MEIS3: variants seen among roughly 807,000 people sequenced by gnomAD.
The protein encoded by MEIS3 is homeobox protein Meis3.
MEIS3 carries 38 observed loss-of-function variants against 51.4 expected under a neutral mutation model. That is an observed-to-expected ratio of 0.74 (90% CI 0.57 to 0.97). The LOEUF (loss-of-function observed/expected upper bound fraction) is 0.97. Ranked by LOEUF, MEIS3 falls within the 50% of genes least tolerant of loss-of-function variation. The probability of loss-of-function intolerance (pLI) is 0.00; values close to 1 mark genes in which losing one functional copy is unlikely to be tolerated. For synonymous variants in MEIS3, 198 were observed against 201.8 expected (o/e 0.98, Z 0.16); for missense variants, 456 against 502.6 (o/e 0.91, Z 0.89).
chr19:47,406,591 C>T, intron 11 of MEIS3, 65 bp from the exon 12 acceptor site: 1 of 1,462,012 alleles, frequency 6.8e-7, no homozygotes, highest in Non-Finnish European at 9.6e-7. Flanking sequence ...GCCTCTAAGT[C>T]TCCCTCACCC....
intron 6 of MEIS3, chr19:47,412,397 C>CT (rs1465162754): frequency 3.3e-5 from 5 of 152,004 alleles, no homozygotes; most frequent in East Asian, 1.9e-4. Context: ...TCCCACCCTT[C>CT]TTTTTTTTGA....
chr19:47,420,011 G>A (rs1568433292), upstream of MEIS3, among the ~76,000 whole-genome samples: 1 of 152,158 alleles, frequency 6.6e-6, no homozygotes, highest in Non-Finnish European at 1.5e-5. Context: ...GGATAACGGA[G>A]AAACAGTTAA....
intron 12 of MEIS3, among the ~76,000 whole-genome samples, chr19:47,404,769 C>T (rs964747742): frequency 6.6e-6 from 1 of 152,222 alleles, no homozygotes; most frequent in Non-Finnish European, 1.5e-5. Flanking sequence ...CTGTGAGCTC[C>T]TCCAGTTCCT....
rs763180158 is a variant in MEIS3, at chr19:47,417,438, C to A, written c.13-88G>T. 18 of 1,467,802 alleles carry A rather than the reference C, an allele frequency of 1.2e-5. No individual in the cohort carries two copies. In the South Asian group the frequency reaches 1.9e-4, roughly 15 times the overall value. 90.9% of individuals were successfully genotyped at this position (1,467,802 alleles called of 1,614,324 possible). A position where few individuals can be genotyped will look rare whatever the true frequency, so the allele number is the denominator to read the frequency against. On this transcript the variant is annotated intron_variant, in intron 1 of 12. Coordinates refer to ENST00000558555, the MANE Select transcript of MEIS3 (RefSeq NM_001301059.2). Reference sequence around the variant, plus strand: ...CTGAGGAGCTTCTCTATCCTGGAACCCAGGAGATGCCCTTCTGTGTCCCAG... The same window carrying A: ...CTGAGGAGCTTCTCTATCCTGGAACACAGGAGATGCCCTTCTGTGTCCCAG...
In MEIS3 at chr19:47,409,082, G is replaced by C. The variant is rs771559763; in HGVS notation, c.858+17C>G. ...TCTCTCCATTCCCACCCTGCACCTG[G>C]GCAGCAGGGCTCTCACCGAGAGGTG... is the stretch of plus-strand genomic sequence containing the variant. On this transcript the variant is annotated intron_variant, in intron 8 of 12. Coordinates refer to ENST00000558555, the MANE Select transcript of MEIS3 (RefSeq NM_001301059.2). The C allele has an allele frequency of 6.2e-7, 1 of 1,604,686 alleles. No individual in the cohort carries two copies. The highest frequency in any genetic ancestry group is 1.1e-5 in the South Asian group (1 of 90,730).
At chr19:47,414,071 A>G (rs529823825) in intron 6 of MEIS3, among the ~76,000 whole-genome samples, 1 of 151,984 alleles carries the variant, frequency 6.6e-6, no homozygotes, top group African/African-American at 2.4e-5. Context: ...TGAGCCTGTG[A>G]GTCTATTTCC....
chr19:47,419,217 C>G lies in MEIS3; in HGVS notation c.-136G>C, dbSNP rs1269747190. The G allele has an allele frequency of 1.1e-5, 6 of 527,588 alleles. No individual in the cohort carries two copies. Among genetic ancestry groups the G allele is most frequent in the South Asian group, 1.9e-4 (2 of 10,778 alleles). The allele number at this position is 527,588 out of a possible 1,614,324, so 32.7% of individuals were successfully genotyped here. On this transcript the variant is annotated 5_prime_UTR_variant, in exon 1 of 13. Coordinates refer to ENST00000558555, the MANE Select transcript of MEIS3 (RefSeq NM_001301059.2). ...GCAGGAGGCCAGGCGCGCGCCCCCC[C>G]ACCCCCGCCGCCGTCAGCGGCAGGC...
At chr19:47,410,452 C>CAA (rs562672336) in intron 6 of MEIS3, among the ~76,000 whole-genome samples, 1,480 of 61,238 alleles carry the variant, frequency 0.024, 35 homozygotes, top group African/African-American at 0.075. Context: ...GACTACGTCT[C>CAA]AAAAAAAAAA....
upstream of MEIS3, among the ~76,000 whole-genome samples, chr19:47,421,167 C>G (rs1004870711): frequency 6.6e-6 from 1 of 152,056 alleles, no homozygotes; most frequent in African/African-American, 2.4e-5. Context: ...GGCTGAGTGG[C>G]TCCCTGGGTG....
chr19:47,414,627 C>T (rs1971301890), intron 6 of MEIS3, 90 bp downstream of exon 6: 1 of 1,452,048 alleles, frequency 6.9e-7, no homozygotes, highest in Admixed American at 2.1e-5. Flanking sequence ...GTGGCTTCGT[C>T]TGAGGCTGTG....
At position 47,419,452 on chromosome 19, in the gene MEIS3, G is replaced by A. The variant is rs1264509923; in HGVS notation, c.-371C>T. 1 of 9,208 alleles carries A rather than the reference G, an allele frequency of 1.1e-4. No individual in the cohort carries two copies. Among genetic ancestry groups the A allele is most frequent in the Non-Finnish European group, 2.4e-4 (1 of 4,206 alleles). The allele number at this position is 9,208 out of a possible 1,614,324, so 0.6% of individuals were successfully genotyped here. On this transcript the variant is annotated 5_prime_UTR_variant, in exon 1 of 13. Coordinates refer to ENST00000558555, the MANE Select transcript of MEIS3 (RefSeq NM_001301059.2). ...CACACCGGGGACCGCAGGGGGCGGG[G>A]GGCGGCCCGGGGCGACGGAGGGTCC... is the stretch of plus-strand genomic sequence containing the variant.
Position 47,403,716 on chromosome 19 carries a change from C to T in MEIS3, c.*18-163G>A, listed in dbSNP as rs201238219. Among the ~76,000 whole-genome samples the T allele has an allele frequency of 1.3e-4, 20 of 151,996 alleles. No homozygotes were observed. In the East Asian group the frequency reaches 1.7e-3, roughly 13 times the overall value. On this transcript the variant is annotated intron_variant, in intron 12 of 12. Transcript: ENST00000558555. ...GTGGGAGGGTCACAGAGAGAAGAGACGCAGTGACGAGAAAGAGGGAGACAG... is the reference window on the plus strand; with the variant it reads ...GTGGGAGGGTCACAGAGAGAAGAGATGCAGTGACGAGAAAGAGGGAGACAG...
intron 7 of MEIS3, 44 bp from the exon 8 acceptor site, chr19:47,409,291 G>A (rs1971006582): frequency 6.3e-7 from 1 of 1,590,084 alleles, no homozygotes; most frequent in South Asian, 1.1e-5. Flanking sequence ...AGTGAAGAGT[G>A]GAGGACCAGA....
intron 10 of MEIS3, 25 bp downstream of exon 10, chr19:47,407,054 C>G: frequency 6.2e-7 from 1 of 1,603,334 alleles, no homozygotes; most frequent in South Asian, 1.1e-5. Context: ...ACCCCAGGCT[C>G]TCCGTCCCCG....
intron 4 of MEIS3, chr19:47,415,861 C>A (rs1599823204): frequency 6.6e-6 from 1 of 152,444 alleles, no homozygotes; most frequent in East Asian, 1.9e-4. Flanking sequence ...GCATGAGCCA[C>A]CGCACCCGGC....
At chr19:47,416,546 G>T in intron 4 of MEIS3, 106 bp downstream of exon 4, 1 of 882,886 alleles carries the variant, frequency 1.1e-6, no homozygotes, top group Non-Finnish European at 1.7e-6. Context: ...TGGGGACATG[G>T]ACCAGGTGGC....
At position 47,419,075 on chromosome 19, in the gene MEIS3, G is replaced by A; in HGVS notation, c.7C>T (p.Arg3Trp). The change falls in exon 1 of 13, where the codon CGG becomes TGG. Residue 3 changes from arginine to tryptophan, a missense_variant. By Grantham distance (101) the Arg-to-Trp change is moderately radical. Coordinates refer to ENST00000558555, the MANE Select transcript of MEIS3 (RefSeq NM_001301059.2). MARRYDELPHYPG... is the reference protein window; with the variant it reads MAWRYDELPHYPG... ...GTCCCCGCCCCGAGACCTACCCTCC[G>A]GGCCATGGGCTGAGGCCGGCGGCAG... 1 of 1,245,764 alleles carries A rather than the reference G, an allele frequency of 8.0e-7. No homozygotes were observed. Among genetic ancestry groups the A allele is most frequent in the Non-Finnish European group, 1.0e-6 (1 of 995,866 alleles). The allele number at this position is 1,245,764 out of a possible 1,614,324, so 77.2% of individuals were successfully genotyped here. A position where few individuals can be genotyped will look rare whatever the true frequency, so the allele number is the denominator to read the frequency against.
chr19:47,419,935 C>G (rs769698079), upstream of MEIS3, among the ~76,000 whole-genome samples: 3 of 152,174 alleles, frequency 2.0e-5, no homozygotes, highest in Non-Finnish European at 4.4e-5. Flanking sequence ...AGGCTCTCCC[C>G]TCTCTGAGGC....
Position 47,406,924 on chromosome 19 carries a change from T to C in MEIS3, c.1042A>G (p.Thr348Ala). 1 of 1,579,694 alleles carries C rather than the reference T, an allele frequency of 6.3e-7. No homozygotes were observed. The highest frequency in any genetic ancestry group is 1.3e-5 in the African/African-American group (1 of 74,470). The change falls in exon 11 of 13, where the codon ACC becomes GCC. Residue 348 changes from threonine (T) to alanine (A), a missense_variant. Coordinates refer to ENST00000558555, the MANE Select transcript of MEIS3 (RefSeq NM_001301059.2). ...SPEGQPIGGYTETQPHVAVRP... is the reference protein window; with the variant it reads ...SPEGQPIGGYAETQPHVAVRP... ...ACGGCCACGTGTGGCTGCGTCTCGG[T>C]ATAGCCCCCGATGGGCTGGCCCTCT...
Sources: allele counts gnomAD v4.1 joint callset (sites outside exome capture counted in the v4.1 genomes callset), GRCh38; gene constraint gnomAD v4.1.1; transcripts MANE v1.5; gene names NCBI Gene and HGNC (gene_info 2026-07-23, HGNC 2026-07-21).